CNTN3: variants seen among roughly 807,000 people sequenced by gnomAD.
CNTN3 encodes the protein contactin-3.
In CNTN3, 60 loss-of-function variants were observed where a neutral mutation model predicts 119.1. The ratio of observed to expected loss-of-function variants is 0.50; its 90% CI spans 0.41 to 0.62. The LOEUF is 0.62. Among genes scored for constraint, CNTN3 ranks in the 20% least tolerant of loss-of-function variants. The pLI, the probability that CNTN3 is intolerant of heterozygous loss-of-function variation, is 0.00. For synonymous variants in CNTN3, 450 were observed against 438.7 expected (o/e 1.03, Z -0.32); for missense variants, 1,101 against 1,242.4 (o/e 0.89, Z 1.71).
At chr3:74,427,777 A>G (rs543142969) in intron 4 of CNTN3, among the ~76,000 whole-genome samples, 2 of 152,242 alleles carry the variant, frequency 1.3e-5, no homozygotes, top group Admixed American at 1.3e-4. Context: ...ACTCAAAACT[A>G]CTCACAATTG....
intron 1 of CNTN3, among the ~76,000 whole-genome samples, chr3:74,562,259 T>C (rs1016736677): frequency 6.6e-6 from 1 of 152,194 alleles, no homozygotes; most frequent in South Asian, 2.1e-4. Flanking sequence ...ACATTCAAAG[T>C]TTTACAAAGT....
intron 1 of CNTN3, among the ~76,000 whole-genome samples, chr3:74,548,852 C>T (rs2107157114): frequency 6.6e-6 from 1 of 152,206 alleles, no homozygotes; most frequent in Non-Finnish European, 1.5e-5. Context: ...ATATGAATTG[C>T]TGAGCTTCCT....
intron 4 of CNTN3, among the ~76,000 whole-genome samples, chr3:74,464,912 A>G (rs996968257): frequency 1.3e-4 from 20 of 152,180 alleles, no homozygotes; most frequent in Admixed American, 3.9e-4. Context: ...ATTTATATTA[A>G]CAATCATTCA....
At chr3:74,536,825 C>G (rs925638613) in intron 1 of CNTN3, among the ~76,000 whole-genome samples, 1 of 152,108 alleles carries the variant, frequency 6.6e-6, no homozygotes, top group African/African-American at 2.4e-5. Flanking sequence ...CCAATTTTCT[C>G]AAGGTACTTA....
At chr3:74,285,527 AAAAAATTCTGC>A in intron 19 of CNTN3, 36 bp from the exon 20 acceptor site, 1 of 1,560,688 alleles carries the variant, frequency 6.4e-7, no homozygotes, top group Non-Finnish European at 8.7e-7. Context: ...GTGAAGGCTT[AAAAAATTCTGC>A]CCTTTCCATT....
intron 4 of CNTN3, among the ~76,000 whole-genome samples, chr3:74,454,279 C>T (rs1702219379): frequency 1.5e-5 from 2 of 134,940 alleles, no homozygotes; most frequent in South Asian, 2.7e-4. Flanking sequence ...CCTTCTTTGT[C>T]TCTTTTGATC....
intron 19 of CNTN3, among the ~76,000 whole-genome samples, chr3:74,293,463 T>A (rs565373953): frequency 6.6e-6 from 1 of 152,358 alleles, no homozygotes; most frequent in South Asian, 2.1e-4. Context: ...GTCAAAGAGC[T>A]ACTTTATTCT....
At position 74,450,832 on chromosome 3, in the gene CNTN3, G is replaced by A. The variant is rs548483890; in HGVS notation, c.359-25892C>T. Among the ~76,000 whole-genome samples, 413 of 152,026 alleles carry A rather than the reference G, an allele frequency of 2.7e-3. 3 individuals carry two copies. The highest frequency in any genetic ancestry group is 0.012 in the South Asian group (58 of 4,804). ...CCAATTTCATCCATGTCCCTACAAA[G>A]GACATGAACTCATCATTTTTTATGG... On this transcript the variant is annotated intron_variant, in intron 4 of 22. Coordinates refer to ENST00000263665, the MANE Select transcript of CNTN3 (RefSeq NM_020872.3).
chr3:74,302,835 CTG>C, intron 13 of CNTN3, 28 bp from the exon 14 acceptor site: 1 of 1,404,444 alleles, frequency 7.1e-7, no homozygotes, highest in African/African-American at 1.4e-5. Context: ...AATGAATACA[CTG>C]TTATTTTTTT....
intron 10 of CNTN3, among the ~76,000 whole-genome samples, chr3:74,362,330 C>T (rs372131940): frequency 1.3e-5 from 2 of 152,148 alleles, no homozygotes; most frequent in Admixed American, 6.6e-5. Flanking sequence ...TGGTATAGAA[C>T]GTTTTTAAAT....
chr3:74,549,030 T>C (rs1703952040), intron 1 of CNTN3, among the ~76,000 whole-genome samples: 1 of 152,200 alleles, frequency 6.6e-6, no homozygotes, highest in Non-Finnish European at 1.5e-5. Flanking sequence ...AACAACATCA[T>C]GTTAATCAGA....
At chr3:74,564,720 T>C (rs1704201940) in intron 1 of CNTN3, among the ~76,000 whole-genome samples, 1 of 151,956 alleles carries the variant, frequency 6.6e-6, no homozygotes, top group Non-Finnish European at 1.5e-5. Context: ...GTTCATGGTG[T>C]TCTTAATGTT....
At chr3:74,393,775 T>C (rs1704976471) in intron 5 of CNTN3, among the ~76,000 whole-genome samples, 1 of 152,184 alleles carries the variant, frequency 6.6e-6, no homozygotes, top group African/African-American at 2.4e-5. Flanking sequence ...GTGTGCCAAG[T>C]TTCCCTGTTC....
intron 1 of CNTN3, among the ~76,000 whole-genome samples, chr3:74,550,536 G>C (rs1205228600): frequency 1.6e-4 from 25 of 151,998 alleles, no homozygotes; most frequent in Non-Finnish European, 2.6e-4. Flanking sequence ...TGTTGTTGTT[G>C]GTGTTATTAT....
intron 1 of CNTN3, among the ~76,000 whole-genome samples, chr3:74,585,567 G>A (rs553857878): frequency 6.6e-6 from 1 of 152,164 alleles, no homozygotes; most frequent in Admixed American, 6.5e-5. Context: ...ATATTTGTTT[G>A]ACCCAAAATA....
chr3:74,340,253 C>G (rs538541), intron 11 of CNTN3, among the ~76,000 whole-genome samples: 121,546 of 152,054 alleles, frequency 0.8, 49,244 homozygotes, highest in African/African-American at 0.93. Flanking sequence ...ACATATGTAG[C>G]TATGTTGTTT....
At chr3:74,425,147 T>A (rs1371980671) in intron 4 of CNTN3, among the ~76,000 whole-genome samples, 1 of 152,132 alleles carries the variant, frequency 6.6e-6, no homozygotes, top group African/African-American at 2.4e-5. Flanking sequence ...TACTGTGTAA[T>A]GCTGAGGTTT....
At chr3:74,455,826 C>T in intron 4 of CNTN3, among the ~76,000 whole-genome samples, 1 of 152,012 alleles carries the variant, frequency 6.6e-6, no homozygotes, top group East Asian at 1.9e-4. Context: ...TCAAAACCAC[C>T]TGGAGGTCTT....
At chr3:74,527,076 A>G (rs1448535611) in intron 1 of CNTN3, among the ~76,000 whole-genome samples, 2 of 152,024 alleles carry the variant, frequency 1.3e-5, no homozygotes, top group African/African-American at 4.8e-5. Flanking sequence ...ATATATGTGT[A>G]TACCTATATA....
Sources: allele counts gnomAD v4.1 joint callset (sites outside exome capture counted in the v4.1 genomes callset), GRCh38; gene constraint gnomAD v4.1.1; transcripts MANE v1.5; gene names NCBI Gene and HGNC (gene_info 2026-07-23, HGNC 2026-07-21).